The following SLC2A7 variants were observed in gnomAD, a reference collection of about 807,000 sequenced individuals.
The protein encoded by SLC2A7 is solute carrier family 2 member 7, also known as solute carrier family 2, facilitated glucose transporter member 7.
SLC2A7 carries 50 observed loss-of-function variants against 50.5 expected under a neutral mutation model. The ratio of observed to expected loss-of-function variants is 0.99; its 90% CI spans 0.79 to 1.25. The LOEUF (loss-of-function observed/expected upper bound fraction) is 1.25, where lower values mean the gene tolerates loss of function less well. SLC2A7 is among the 50% of genes most tolerant of loss of function. The pLI is 0.00. For synonymous variants in SLC2A7, 308 were observed against 300.4 expected (o/e 1.03, Z -0.26); for missense variants, 683 against 679.1 (o/e 1.01, Z -0.06).
chr1:9,012,039 C>G lies in SLC2A7; in HGVS notation c.1014+1486G>C, dbSNP rs542387304. 1.2e-4 allele frequency among the ~76,000 whole-genome samples: 18 copies of G among 152,202 alleles called. No homozygotes were observed. In the East Asian group the frequency reaches 3.1e-3, roughly 26 times the overall value. ...TGCAGGAATTACAGGCATGAGCCAC[C>G]ACACCTGGCTCCTTTTCTACTTCTA... On this transcript the variant is annotated intron_variant, in intron 8 of 11. Coordinates refer to ENST00000400906, the MANE Select transcript of SLC2A7 (RefSeq NM_207420.3).
In SLC2A7 at chr1:9,004,805, C is replaced by T; in HGVS notation, c.1267G>A (p.Ala423Thr). ...ATGAAGTTGGTGAGCCAGTGCACTG[C>T]CCCGTCCACCATGAAAGCTGCCCGC... ...SRRAAFMVDGAVHWLTNFIIG... is the reference protein window; with the variant it reads ...SRRAAFMVDGTVHWLTNFIIG... Residue 423 changes from alanine (A) to threonine (T), a missense_variant, in exon 11 of 12, where the codon GCA becomes ACA. Ala to Thr is a moderately conservative substitution (Grantham distance 58, BLOSUM62 0). Coordinates refer to ENST00000400906, the MANE Select transcript of SLC2A7 (RefSeq NM_207420.3). 1.2e-6 allele frequency: 2 copies of T among 1,614,144 alleles called. No individual in the cohort carries two copies. The highest frequency in any genetic ancestry group is 1.1e-5 in the South Asian group (1 of 91,084).
At chr1:9,014,898 G>T in intron 6 of SLC2A7, 30 bp from the exon 7 acceptor site, 1 of 1,556,050 alleles carries the variant, frequency 6.4e-7, no homozygotes, top group Non-Finnish European at 8.7e-7. Context: ...CCGCTCAGAG[G>T]GCCGTCTCCC....
In SLC2A7 at chr1:9,013,535, G is replaced by A. The variant is rs773411357; in HGVS notation, c.1004C>T (p.Thr335Ile). The change falls in exon 8 of 12, where the codon ACC becomes ATC. Residue 335 changes from threonine (T) to isoleucine (I), a missense_variant. Coordinates refer to ENST00000400906, the MANE Select transcript of SLC2A7 (RefSeq NM_207420.3). ...CTCCTGCTCACTCACCGAGGTGATG[G>A]TCATCACTATGTTGACGACGCCAGA... is the stretch of plus-strand genomic sequence containing the variant. ...VGSGVVNIVM[T>I]ITSAVLVERL... is the part of the protein sequence containing the mutation. The A allele has an allele frequency of 2.5e-6, 4 of 1,613,464 alleles. No individual in the cohort carries two copies. The East Asian group carries it at 6.7e-5, about 27-fold the overall frequency.
Position 9,019,090 on chromosome 1 carries a change from G to T in SLC2A7, c.436+119C>A, listed in dbSNP as rs566726937. On this transcript the variant is annotated intron_variant, in intron 4 of 11. Coordinates refer to ENST00000400906, the MANE Select transcript of SLC2A7 (RefSeq NM_207420.3). ...TGCAAGGGCCTGGGGATGCAGATGGGAGGACGTCTTGAAATGAAAAGAGGC... is the reference window on the plus strand; with the variant it reads ...TGCAAGGGCCTGGGGATGCAGATGGTAGGACGTCTTGAAATGAAAAGAGGC... 1.2e-5 allele frequency: 16 copies of T among 1,357,082 alleles called. No homozygotes were observed. In the East Asian group the frequency reaches 3.6e-4, roughly 31 times the overall value. 84.1% of individuals were successfully genotyped at this position (1,357,082 alleles called of 1,614,324 possible).
intron 5 of SLC2A7, 103 bp from the exon 6 acceptor site, chr1:9,015,345 T>C: frequency 1.4e-6 from 2 of 1,401,594 alleles, no homozygotes; most frequent in East Asian, 5.1e-5. Context: ...CCAAGGACTG[T>C]GGGGACTTCA....
At position 9,014,759 on chromosome 1, in the gene SLC2A7, A is replaced by C; in HGVS notation, c.825T>G (p.Cys275Trp). The C allele has an allele frequency of 6.3e-7, 1 of 1,591,636 alleles. No homozygotes were observed. The highest frequency in any genetic ancestry group is 8.5e-7 in the Non-Finnish European group (1 of 1,169,726). Residue 275 changes from cysteine (C) to tryptophan (W), a missense_variant, in exon 7 of 12, where the codon TGT (cysteine) becomes TGG (tryptophan). Coordinates refer to ENST00000400906, the MANE Select transcript of SLC2A7 (RefSeq NM_207420.3). Reference sequence around the variant, plus strand: ...GCTGCCAGCGCAGGGACCGCAGGGCACAGAGGTGCAGCACAGACAGGTGGC... The same window carrying C: ...GCTGCCAGCGCAGGGACCGCAGGGCCCAGAGGTGCAGCACAGACAGGTGGC... ...AEGHLSVLHL[C>W]ALRSLRWQLL...
At chr1:9,010,286 C>G in intron 8 of SLC2A7, 42 bp from the exon 9 acceptor site, 1 of 1,516,122 alleles carries the variant, frequency 6.6e-7, no homozygotes, top group Non-Finnish European at 9.0e-7. Flanking sequence ...CTTGGCCTGG[C>G]GCCCACGGTT....
intron 5 of SLC2A7, among the ~76,000 whole-genome samples, chr1:9,016,269 A>G (rs976800129): frequency 6.6e-6 from 1 of 152,218 alleles, no homozygotes; most frequent in African/African-American, 2.4e-5. Flanking sequence ...AAATCCACCC[A>G]TTAAGGAATA....
In SLC2A7 at chr1:9,022,981, A is replaced by G. The variant is rs768706903; in HGVS notation, c.248T>C (p.Met83Thr). 1.9e-6 allele frequency: 3 copies of G among 1,614,216 alleles called. No homozygotes were observed. The highest frequency in any genetic ancestry group is 2.5e-6 in the Non-Finnish European group (3 of 1,180,028). ...MLLLWSCTVSMFPLGGLLGSL... is the reference protein window; with the variant it reads ...MLLLWSCTVSTFPLGGLLGSL... ...CCCCAACAGGCCGCCCAGAGGAAACATGGAGACGGTGCAAGACCATAGAAG... is the reference window on the plus strand; with the variant it reads ...CCCCAACAGGCCGCCCAGAGGAAACGTGGAGACGGTGCAAGACCATAGAAG... Residue 83 changes from methionine to threonine, a missense_variant, in exon 3 of 12, where the codon ATG becomes ACG. Coordinates refer to ENST00000400906, the MANE Select transcript of SLC2A7 (RefSeq NM_207420.3).
At chr1:9,015,525 T>A (rs1387034055) in intron 5 of SLC2A7, among the ~76,000 whole-genome samples, 1 of 152,148 alleles carries the variant, frequency 6.6e-6, no homozygotes, top group Non-Finnish European at 1.5e-5. Flanking sequence ...CTCAGTCTTG[T>A]TCCTACTTTT....
rs1557651656 is a variant in SLC2A7 at position 9,018,332 on chromosome 1, G to A, written c.480C>T (p.Ala160=). 2 of 1,614,064 alleles carry A rather than the reference G, an allele frequency of 1.2e-6. No homozygotes were observed. The highest frequency in any genetic ancestry group is 2.2e-5 in the East Asian group (1 of 44,884). The change falls in exon 5 of 12, where the codon GCC becomes GCT. Residue 160 remains alanine, a synonymous_variant. Transcript: ENST00000400906. ...SALPMYLGEL[A]PKNLRGMVGT... ...CCACCATGCCTCTCAGGTTCTTGGG[G>A]GCCAGTTCTCCCAGGTACATGGGAA...
chr1:9,023,172 A>G, intron 2 of SLC2A7, 94 bp from the exon 3 acceptor site: 1 of 1,383,032 alleles, frequency 7.2e-7, no homozygotes, highest in Admixed American at 2.1e-5. Context: ...TTGTACAGAG[A>G]GGTTTTTCTG....
intron 8 of SLC2A7, among the ~76,000 whole-genome samples, chr1:9,011,255 A>G (rs1640745005): frequency 6.6e-6 from 1 of 152,136 alleles, no homozygotes; most frequent in African/African-American, 2.4e-5. Flanking sequence ...CGTGGACCGC[A>G]CCCTCCTCAT....
At chr1:9,019,356 G>A (rs367727052) in intron 3 of SLC2A7, 23 bp from the exon 4 acceptor site, 171 of 1,612,966 alleles carry the variant, frequency 1.1e-4, no homozygotes, top group Non-Finnish European at 1.3e-4. Flanking sequence ...TGAGCCCAGA[G>A]GGCAGGGGTG....
intron 7 of SLC2A7, among the ~76,000 whole-genome samples, chr1:9,014,205 C>T (rs570172095): frequency 1.3e-5 from 2 of 152,162 alleles, no homozygotes; most frequent in Non-Finnish European, 2.9e-5. Flanking sequence ...ACCCAATCTC[C>T]AGTGTTTTAG....
rs1183807286 is a variant in SLC2A7, at chr1:9,019,208, C to T, written c.436+1G>A. The T allele has an allele frequency of 1.7e-5, 28 of 1,613,506 alleles. No homozygotes were observed. The highest frequency in any genetic ancestry group is 2.0e-5 in the Non-Finnish European group (24 of 1,179,746). On this transcript the variant is annotated splice_donor_variant, in intron 4 of 11. Transcript: ENST00000400906. LOFTEE classifies it high-confidence loss of function. ...TGAGCCGGAGCCTGGGCCCCAGGTA[C>T]CTGCACAGACTCCCAGCACCACTCG...
intron 10 of SLC2A7, among the ~76,000 whole-genome samples, chr1:9,006,581 A>T (rs1238644881): frequency 2.0e-5 from 3 of 152,196 alleles, no homozygotes; most frequent in African/African-American, 7.2e-5. Flanking sequence ...ACCCTTAAAT[A>T]CAAGTATGTG....
chr1:9,019,626 C>T (rs945827087), intron 3 of SLC2A7, among the ~76,000 whole-genome samples: 15 of 152,062 alleles, frequency 9.9e-5, no homozygotes, highest in African/African-American at 4.8e-5. Context: ...TTTTCTGCCC[C>T]GTGAAGACAC....
rs753408876 is a variant in SLC2A7 at position 9,004,875 on chromosome 1, A to G, written c.1197T>C (p.Pro399=). 1.9e-5 allele frequency: 30 copies of G among 1,613,470 alleles called. No homozygotes were observed. In the South Asian group the frequency reaches 3.2e-4, roughly 17 times the overall value. Residue 399 remains proline (P), a synonymous_variant, in exon 11 of 12, where the codon CCT becomes CCC. Coordinates refer to ENST00000400906, the MANE Select transcript of SLC2A7 (RefSeq NM_207420.3). ...YIAGHSIGPS[P]VPSVVRTEIF... is the part of the protein sequence containing the mutation. Reference sequence around the variant, plus strand: ...TCTCGGTCCTCACCACCGAGGGGACAGGACCTGGAGGGCAGAGCAGGATGG... The same window carrying G: ...TCTCGGTCCTCACCACCGAGGGGACGGGACCTGGAGGGCAGAGCAGGATGG...
Sources: gnomAD v4.1 joint callset for allele counts (sites outside exome capture counted in the v4.1 genomes callset) on GRCh38, gnomAD v4.1.1 for gene constraint, MANE v1.5 for transcripts, NCBI Gene and HGNC (gene_info 2026-07-23, HGNC 2026-07-21) for gene names.